MAP2K4: variants seen among roughly 807,000 people sequenced by gnomAD.
MAP2K4 encodes dual specificity mitogen-activated protein kinase kinase 4.
In MAP2K4, 4 loss-of-function variants were observed where a neutral mutation model predicts 48.5. The observed-to-expected ratio is 0.08, with a 90% confidence interval of 0.04 to 0.19. MAP2K4 has a LOEUF of 0.19. Among genes scored for constraint, MAP2K4 ranks in the 10% least tolerant of loss-of-function variants. The pLI is 1.00. For missense variants in MAP2K4, 258 were observed against 493.3 expected (o/e 0.52, Z 4.52); for synonymous variants, 166 against 173.1 (o/e 0.96, Z 0.32).
chr17:12,071,385 C>A (rs1388691943), intron 2 of MAP2K4, among the ~76,000 whole-genome samples: 1 of 152,056 alleles, frequency 6.6e-6, no homozygotes, highest in Non-Finnish European at 1.5e-5. Context: ...ACTCACATTT[C>A]AAAGGCAAGG....
At chr17:12,135,167 C>T (rs982233660) in intron 9 of MAP2K4, among the ~76,000 whole-genome samples, 1 of 152,186 alleles carries the variant, frequency 6.6e-6, no homozygotes, top group Non-Finnish European at 1.5e-5. Flanking sequence ...CGGCTCACCG[C>T]AGCCTCAACC....
chr17:12,087,956 C>T (rs1443490263), intron 3 of MAP2K4, among the ~76,000 whole-genome samples: 2 of 151,976 alleles, frequency 1.3e-5, no homozygotes, highest in Non-Finnish European at 1.5e-5. Context: ...AAGACTCTAG[C>T]TGATAAGGAG....
rs970110956 is a variant in MAP2K4 at position 12,138,259 on chromosome 17, T to A, written c.1041-1580T>A. ...TTAGGGATGCTGACCCCCTGTACAG[T>A]CAAAAATCCGCATATAACTTTTGAT... is the stretch of plus-strand genomic sequence containing the variant. On this transcript the variant is annotated intron_variant, in intron 9 of 10. Coordinates refer to ENST00000353533, the MANE Select transcript of MAP2K4 (RefSeq NM_003010.4). 3.3e-5 allele frequency among the ~76,000 whole-genome samples: 5 copies of A among 150,560 alleles called. No homozygotes were observed. In the South Asian group the frequency reaches 1.0e-3, roughly 31 times the overall value.
intron 1 of MAP2K4, among the ~76,000 whole-genome samples, chr17:12,053,253 C>A (rs1238740706): frequency 1.3e-5 from 2 of 151,962 alleles, no homozygotes; most frequent in East Asian, 3.9e-4. Flanking sequence ...ATTAGTGATT[C>A]TTCTACCTAG....
intron 1 of MAP2K4, among the ~76,000 whole-genome samples, chr17:12,054,034 A>G (rs1345718593): frequency 6.6e-6 from 1 of 152,178 alleles, no homozygotes; most frequent in African/African-American, 2.4e-5. Context: ...TTTAAGTCCT[A>G]AAGAAATGAT....
At chr17:12,105,456 T>C (rs1487724043) in intron 4 of MAP2K4, among the ~76,000 whole-genome samples, 1 of 152,220 alleles carries the variant, frequency 6.6e-6, no homozygotes, top group Non-Finnish European at 1.5e-5. Flanking sequence ...GAATTAGTTA[T>C]TGGTATATGT....
chr17:12,093,115 A>G (rs1971616820), intron 3 of MAP2K4, among the ~76,000 whole-genome samples: 1 of 152,226 alleles, frequency 6.6e-6, no homozygotes, highest in African/African-American at 2.4e-5. Flanking sequence ...AGATACTTAG[A>G]CAAAATGTTC....
intron 4 of MAP2K4, among the ~76,000 whole-genome samples, chr17:12,100,080 A>G (rs1370114454): frequency 6.6e-6 from 1 of 152,158 alleles, no homozygotes; most frequent in Non-Finnish European, 1.5e-5. Flanking sequence ...TAAAATTGAC[A>G]TCTGATAAAC....
intron 2 of MAP2K4, among the ~76,000 whole-genome samples, chr17:12,055,592 G>A (rs1009424251): frequency 6.6e-6 from 1 of 152,004 alleles, no homozygotes; most frequent in Admixed American, 6.6e-5. Flanking sequence ...AGCAAGTGGT[G>A]TAAGGTATGA....
At chr17:12,134,857 G>C (rs1365376996) in intron 9 of MAP2K4, among the ~76,000 whole-genome samples, 6 of 152,168 alleles carry the variant, frequency 3.9e-5, no homozygotes, top group African/African-American at 1.4e-4. Context: ...TAGATATCTT[G>C]GACAACACTT....
intron 2 of MAP2K4, among the ~76,000 whole-genome samples, chr17:12,076,606 A>G (rs1395137724): frequency 1.3e-5 from 2 of 152,224 alleles, no homozygotes; most frequent in Non-Finnish European, 1.5e-5. Flanking sequence ...GGCCTGTATT[A>G]TATGAATTCA....
chr17:12,140,982 C>T (rs1261973050), intron 10 of MAP2K4, among the ~76,000 whole-genome samples, 165 bp from the exon 11 acceptor site: 1 of 152,104 alleles, frequency 6.6e-6, no homozygotes, highest in Non-Finnish European at 1.5e-5. Flanking sequence ...AGCATATCTG[C>T]ATGGAATAAA....
intron 7 of MAP2K4, chr17:12,115,533 C>G: frequency 2.0e-6 from 1 of 507,784 alleles, no homozygotes; most frequent in Non-Finnish European, 3.5e-6. Flanking sequence ...GTAGAGGTGA[C>G]GGGCCGGAGA....
intron 1 of MAP2K4, among the ~76,000 whole-genome samples, chr17:12,051,473 T>C (rs1250253518): frequency 6.6e-6 from 1 of 152,198 alleles, no homozygotes; most frequent in Non-Finnish European, 1.5e-5. Flanking sequence ...TATTTTAGGA[T>C]GTTTGATGCC....
intron 1 of MAP2K4, among the ~76,000 whole-genome samples, chr17:12,048,000 C>T (rs563777869): frequency 7.2e-5 from 11 of 152,182 alleles, no homozygotes; most frequent in Non-Finnish European, 1.6e-4. Context: ...AATTTTCTTT[C>T]CTATTCCTAC....
chr17:12,113,418 C>A (rs1972372998), intron 7 of MAP2K4, 58 bp downstream of exon 7: 1 of 1,577,568 alleles, frequency 6.3e-7, no homozygotes, highest in South Asian at 1.1e-5. Flanking sequence ...AGCCTGTGCT[C>A]TTTTGTGCTG....
intron 1 of MAP2K4, among the ~76,000 whole-genome samples, chr17:12,034,478 T>A (rs1969533079): frequency 1.3e-5 from 2 of 152,368 alleles, no homozygotes; most frequent in South Asian, 4.1e-4. Flanking sequence ...CTCTTTTTAT[T>A]TCTGCCTCTT....
rs77658494 is a variant in MAP2K4, at chr17:12,028,336, A to T, written c.115+7335A>T. Among the ~76,000 whole-genome samples, 463 of 152,326 alleles carry T rather than the reference A, an allele frequency of 3.0e-3. 3 individuals are homozygous for T. The highest frequency in any genetic ancestry group is 6.8e-3 in the Middle Eastern group (2 of 294). ...TTTATCAACTCCTGACTGGTGGATG[A>T]TTCTAACAACCTGGAATTGCTAACT... On this transcript the variant is annotated intron_variant, in intron 1 of 10. Coordinates refer to ENST00000353533, the MANE Select transcript of MAP2K4 (RefSeq NM_003010.4).
At chr17:12,137,639 G>T (rs1262481049) in intron 9 of MAP2K4, among the ~76,000 whole-genome samples, 1 of 152,122 alleles carries the variant, frequency 6.6e-6, no homozygotes, top group African/African-American at 2.4e-5. Context: ...GTTCTAAGAT[G>T]CATGTAATGG....
Sources: gnomAD v4.1 joint callset for allele counts (sites outside exome capture counted in the v4.1 genomes callset) on GRCh38, gnomAD v4.1.1 for gene constraint, MANE v1.5 for transcripts, NCBI Gene and HGNC (gene_info 2026-07-23, HGNC 2026-07-21) for gene names.